Variants in PGBD5 observed in about 807,000 individuals in gnomAD.
PGBD5 encodes piggyBac transposable element derived 5, also known as piggyBac transposable element-derived protein 5.
PGBD5 carries 14 observed loss-of-function variants against 47.9 expected under a neutral mutation model. The ratio of observed to expected loss-of-function variants is 0.29; its 90% CI spans 0.19 to 0.46. PGBD5 has a LOEUF of 0.46. PGBD5 is among the 20% of genes least tolerant of loss of function. PGBD5 has a pLI of 1.00. For missense variants in PGBD5, 635 were observed against 716.0 expected, an observed-to-expected ratio of 0.89 and a Z score of 1.29; for synonymous variants, 316 against 306.3, an observed-to-expected ratio of 1.03 and a Z score of -0.33.
chr1:230,369,855 C>T (rs901189921), intron 1 of PGBD5, among the ~76,000 whole-genome samples: 2 of 152,024 alleles, frequency 1.3e-5, no homozygotes, highest in African/African-American at 2.4e-5. Flanking sequence ...GAATTCCCTG[C>T]ATACCCACCC....
intron 1 of PGBD5, among the ~76,000 whole-genome samples, chr1:230,391,102 C>T (rs908042362): frequency 1.2e-4 from 18 of 145,056 alleles, no homozygotes; most frequent in African/African-American, 4.3e-4. Flanking sequence ...GAGCTCAGTC[C>T]ATCAGGAAAG....
intron 2 of PGBD5, among the ~76,000 whole-genome samples, chr1:230,351,538 C>T (rs533160610): frequency 1.9e-4 from 29 of 152,264 alleles, no homozygotes; most frequent in African/African-American, 6.3e-4. Context: ...AAGTCTTTCA[C>T]TGATCCACAA....
At chr1:230,389,268 G>A (rs1483818740) in intron 1 of PGBD5, among the ~76,000 whole-genome samples, 3 of 151,890 alleles carry the variant, frequency 2.0e-5, no homozygotes, top group Non-Finnish European at 4.4e-5. Context: ...CTGCCTCCGG[G>A]TTCAAGCGAT....
chr1:230,412,514 G>A (rs750254648), intron 1 of PGBD5, among the ~76,000 whole-genome samples: 26 of 150,096 alleles, frequency 1.7e-4, no homozygotes, highest in Non-Finnish European at 3.0e-4. Context: ...TCAGCCTCCC[G>A]AGTAGCTGGG....
At chr1:230,409,438 T>C (rs995293282) in intron 1 of PGBD5, among the ~76,000 whole-genome samples, 2 of 152,164 alleles carry the variant, frequency 1.3e-5, no homozygotes, top group Non-Finnish European at 2.9e-5. Context: ...TAATAGCCAA[T>C]AGGTGAAAAC....
chr1:230,329,581 G>A (rs1246140301), intron 5 of PGBD5, among the ~76,000 whole-genome samples: 1 of 152,150 alleles, frequency 6.6e-6, no homozygotes, highest in East Asian at 1.9e-4. Context: ...GCACAATCTC[G>A]GCTCACTGCA....
rs113642721 is a variant in PGBD5, at chr1:230,353,502, G to T, written c.760-2410C>A. ...CTCTGAAGACTCTAAGACCAAACTC[G>T]TACCAAAGGGTCACAGCTGCTGGAA... On this transcript the variant is annotated intron_variant, in intron 2 of 6. Transcript: ENST00000391860. Among the ~76,000 whole-genome samples, 28 of 152,234 alleles carry T rather than the reference G, an allele frequency of 1.8e-4. No homozygotes were observed. In the East Asian group the frequency reaches 2.7e-3, roughly 15 times the overall value.
At chr1:230,393,756 C>T (rs911662468) in intron 1 of PGBD5, among the ~76,000 whole-genome samples, 1 of 144,208 alleles carries the variant, frequency 6.9e-6, no homozygotes, top group African/African-American at 2.5e-5. Context: ...ACCCGGGAAG[C>T]GGAGCTTGCA....
At chr1:230,325,073 T>C (rs1176240019) in intron 6 of PGBD5, among the ~76,000 whole-genome samples, 6 of 152,166 alleles carry the variant, frequency 3.9e-5, no homozygotes, top group African/African-American at 1.2e-4. Context: ...ACAGGGAATG[T>C]GAACCCAGCA....
intron 1 of PGBD5, among the ~76,000 whole-genome samples, chr1:230,413,275 T>A (rs1244665343): frequency 6.6e-6 from 1 of 152,078 alleles, no homozygotes; most frequent in African/African-American, 2.4e-5. Context: ...GGAACCAGAC[T>A]CCCAGCTTGC....
intron 1 of PGBD5, among the ~76,000 whole-genome samples, chr1:230,422,212 G>A (rs1378927832): frequency 6.6e-6 from 1 of 151,876 alleles, no homozygotes; most frequent in African/African-American, 2.4e-5. Context: ...CATGACAAAG[G>A]ACTGACAAAC....
chr1:230,376,552 T>C (rs1485026584), intron 1 of PGBD5, among the ~76,000 whole-genome samples: 2 of 78,390 alleles, frequency 2.6e-5, no homozygotes, highest in Non-Finnish European at 3.7e-5. Context: ...TCTTGTTGGA[T>C]GGTTCAGTTG....
chr1:230,347,849 C>G (rs568429647), intron 3 of PGBD5, among the ~76,000 whole-genome samples: 1 of 152,168 alleles, frequency 6.6e-6, no homozygotes, highest in Non-Finnish European at 1.5e-5. Flanking sequence ...GCTACAAAAT[C>G]GATGTGCCAT....
intron 1 of PGBD5, among the ~76,000 whole-genome samples, chr1:230,378,063 C>T (rs1447915206): frequency 6.6e-6 from 1 of 152,212 alleles, no homozygotes; most frequent in African/African-American, 2.4e-5. Context: ...GCATGTCACA[C>T]GTTAGCAGAC....
chr1:230,343,005 G>C (rs1396584751), intron 3 of PGBD5, among the ~76,000 whole-genome samples: 1 of 152,176 alleles, frequency 6.6e-6, no homozygotes, highest in Non-Finnish European at 1.5e-5. Flanking sequence ...GAGTCCTGCT[G>C]GACAATGCTG....
At chr1:230,368,009 A>C in intron 1 of PGBD5, 1 of 1,367,902 alleles carries the variant, frequency 7.3e-7, no homozygotes, top group Non-Finnish European at 9.8e-7. Flanking sequence ...TCTCTTCCCC[A>C]CGCCACACCA....
At chr1:230,413,433 G>A (rs1451221184) in intron 1 of PGBD5, among the ~76,000 whole-genome samples, 1 of 152,108 alleles carries the variant, frequency 6.6e-6, no homozygotes, top group African/African-American at 2.4e-5. Context: ...CTGGGAAGTA[G>A]GGGCTGCAGT....
chr1:230,343,257 T>A (rs539691996), intron 3 of PGBD5, among the ~76,000 whole-genome samples: 1 of 152,092 alleles, frequency 6.6e-6, no homozygotes, highest in South Asian at 2.1e-4. Flanking sequence ...AAGCCTGAGG[T>A]GGTTCTTTCA....
Position 230,332,969 on chromosome 1 carries a change from T to C in PGBD5, c.1148A>G (p.Asn383Ser). ...CTGLPLSMLT[N>S]PATPPARGQY... ...GCCCCGGGCCGGGGGTGTGGCTGGGTTGGTCAGCATGGACAGTGGGAGGCC... is the reference window on the plus strand; with the variant it reads ...GCCCCGGGCCGGGGGTGTGGCTGGGCTGGTCAGCATGGACAGTGGGAGGCC... The change falls in exon 5 of 7, where the codon AAC becomes AGC. Residue 383 changes from asparagine to serine, a missense_variant. Asn to Ser is a conservative substitution (Grantham distance 46, BLOSUM62 1). Transcript: ENST00000391860. The C allele has an allele frequency of 6.2e-7, 1 of 1,613,792 alleles. No homozygotes were observed. Among genetic ancestry groups the C allele is most frequent in the African/African-American group, 1.3e-5 (1 of 75,030 alleles).
Sources: gnomAD v4.1 joint callset for allele counts (sites outside exome capture counted in the v4.1 genomes callset) on GRCh38, gnomAD v4.1.1 for gene constraint, MANE v1.5 for transcripts, NCBI Gene and HGNC (gene_info 2026-07-23, HGNC 2026-07-21) for gene names.